Variants in DNAJC13 observed in about 807,000 individuals in gnomAD.
DNAJC13 encodes the protein DnaJ heat shock protein family (Hsp40) member C13.
A neutral mutation model predicts 290.5 loss-of-function variants in DNAJC13; 75 were observed. That is an observed-to-expected ratio of 0.26 (90% CI 0.21 to 0.31). DNAJC13 has a LOEUF of 0.31. Ranked by LOEUF, DNAJC13 falls within the 10% of genes least tolerant of loss-of-function variation. The probability of loss-of-function intolerance (pLI) is 1.00; values close to 1 mark genes in which losing one functional copy is unlikely to be tolerated. For missense variants in DNAJC13, 2,260 were observed against 2,674.5 expected, an observed-to-expected ratio of 0.85 and a Z score of 3.42; for synonymous variants, 862 against 892.0, an observed-to-expected ratio of 0.97 and a Z score of 0.60.
At position 132,494,272 on chromosome 3, in the gene DNAJC13, C is replaced by A; in HGVS notation, c.3941+13C>A. The A allele has an allele frequency of 6.4e-7, 1 of 1,572,356 alleles. No homozygotes were observed. Among genetic ancestry groups the A allele is most frequent in the Non-Finnish European group, 8.8e-7 (1 of 1,142,764 alleles). On this transcript the variant is annotated intron_variant, in intron 34 of 55. Coordinates refer to ENST00000260818, the MANE Select transcript of DNAJC13 (RefSeq NM_015268.4). ...AAGGACAGGGACCGTGAGTTGTTTT[C>A]AGTACAATAGCAAATGTCTGTCCCA... is the stretch of plus-strand genomic sequence containing the variant.
rs74876666 is a variant in DNAJC13, at chr3:132,498,411, T to A, written c.4157-715T>A. ...TATAAAGATGTGCATATAATTGATATTAATAGAATTTCTGGTGCATTTGCT... is the reference window on the plus strand; with the variant it reads ...TATAAAGATGTGCATATAATTGATAATAATAGAATTTCTGGTGCATTTGCT... On this transcript the variant is annotated intron_variant, in intron 36 of 55. Coordinates refer to ENST00000260818, the MANE Select transcript of DNAJC13 (RefSeq NM_015268.4). 1.6e-3 allele frequency among the ~76,000 whole-genome samples: 243 copies of A among 152,286 alleles called. 5 individuals are homozygous for A. In the East Asian group the frequency reaches 0.042, roughly 26 times the overall value.
Position 132,500,917 on chromosome 3 carries a change from G to A in DNAJC13, c.4536+4G>A. 1.9e-6 allele frequency: 3 copies of A among 1,613,502 alleles called. No individual in the cohort carries two copies. The highest frequency in any genetic ancestry group is 2.5e-6 in the Non-Finnish European group (3 of 1,179,684). On this transcript the variant is annotated splice_donor_region_variant and intron_variant, in intron 39 of 55. Transcript: ENST00000260818. ...TCGGGTACTATATTTTGGCAAGGTA[G>A]GGTTAATCTTTAATGCTTTCTAGAT...
At chr3:132,446,975 T>A (rs1178135518) in intron 3 of DNAJC13, among the ~76,000 whole-genome samples, 1 of 152,128 alleles carries the variant, frequency 6.6e-6, no homozygotes, top group Non-Finnish European at 1.5e-5. Flanking sequence ...TAAGTAAACA[T>A]ATTCAAAGAT....
chr3:132,440,423 A>G (rs1933024240), intron 2 of DNAJC13, among the ~76,000 whole-genome samples: 1 of 152,274 alleles, frequency 6.6e-6, no homozygotes, highest in African/African-American at 2.4e-5. Flanking sequence ...AGCCAGGCAC[A>G]TAAGTGCCAA....
rs544955543 is a variant in DNAJC13 at position 132,472,129 on chromosome 3, G to T, written c.2209-1016G>T. Among the ~76,000 whole-genome samples, 23 of 148,052 alleles carry T rather than the reference G, an allele frequency of 1.6e-4. No homozygotes were observed. In the East Asian group the frequency reaches 4.1e-3, roughly 27 times the overall value. ...CGCGTGCCTGCAATGGCAGGCACTCGGCAGGCTGAGGCAGGAGAATCAGGC... is the reference window on the plus strand; with the variant it reads ...CGCGTGCCTGCAATGGCAGGCACTCTGCAGGCTGAGGCAGGAGAATCAGGC... On this transcript the variant is annotated intron_variant, in intron 20 of 55. Transcript: ENST00000260818.
chr3:132,430,084 A>T (rs1576454977), intron 1 of DNAJC13, among the ~76,000 whole-genome samples: 2 of 152,152 alleles, frequency 1.3e-5, no homozygotes, highest in East Asian at 1.9e-4. Context: ...CTAATAGGCC[A>T]GGTCATTGGT....
chr3:132,491,173 T>C, intron 32 of DNAJC13, 122 bp downstream of exon 32: 1 of 835,822 alleles, frequency 1.2e-6, no homozygotes, highest in Non-Finnish European at 1.8e-6. Flanking sequence ...ATGACAGTAA[T>C]CATTGATGCC....
intron 1 of DNAJC13, among the ~76,000 whole-genome samples, chr3:132,430,612 T>A (rs577446052): frequency 1.3e-5 from 2 of 152,322 alleles, no homozygotes; most frequent in East Asian, 3.9e-4. Flanking sequence ...AGACTAGGAA[T>A]ACAAACCCCA....
At chr3:132,511,467 C>T (rs894628857) in intron 44 of DNAJC13, among the ~76,000 whole-genome samples, 1 of 152,058 alleles carries the variant, frequency 6.6e-6, no homozygotes, top group African/African-American at 2.4e-5. Flanking sequence ...TTTATGAGAA[C>T]ATGTGTCTAA....
chr3:132,499,168 G>A lies in DNAJC13; in HGVS notation c.4199G>A (p.Arg1400Gln), dbSNP rs147104839. 369 of 1,613,216 alleles carry A rather than the reference G, an allele frequency of 2.3e-4. No individual in the cohort carries two copies. The highest frequency in any genetic ancestry group is 3.0e-4 in the Admixed American group (18 of 59,940). The change falls in exon 37 of 56, where the codon CGG (arginine) becomes CAG (glutamine). Residue 1400 changes from arginine (R) to glutamine (Q), a missense_variant. Physicochemically the swap from Arg to Gln is conservative, Grantham distance 43. Around this residue, in one of 3 missense-constraint regions of DNAJC13, gnomAD observed 1,494 missense variants for 1,693.7 expected, o/e 0.88. Coordinates refer to ENST00000260818, the MANE Select transcript of DNAJC13 (RefSeq NM_015268.4). ...TATGCAGGATACCCCATGCTTATTCGGACTATAACAATGGAAACTTCAGAT... is the reference window on the plus strand; with the variant it reads ...TATGCAGGATACCCCATGCTTATTCAGACTATAACAATGGAAACTTCAGAT... Reference protein sequence around the residue: ...YKYAGYPMLIRTITMETSDDL... With the variant: ...YKYAGYPMLIQTITMETSDDL...
chr3:132,491,420 TC>T (rs1274619643), intron 32 of DNAJC13, among the ~76,000 whole-genome samples: 5 of 152,096 alleles, frequency 3.3e-5, no homozygotes, highest in Admixed American at 2.6e-4. Flanking sequence ...AGGACTATAC[TC>T]CCACTAATTA....
intron 32 of DNAJC13, among the ~76,000 whole-genome samples, chr3:132,491,810 T>G (rs1935065502): frequency 6.6e-6 from 1 of 152,190 alleles, no homozygotes; most frequent in Non-Finnish European, 1.5e-5. Context: ...ATCATTTGAC[T>G]TCTTGACCTA....
At chr3:132,485,129 C>T (rs550941180) in intron 29 of DNAJC13, among the ~76,000 whole-genome samples, 1 of 151,942 alleles carries the variant, frequency 6.6e-6, no homozygotes, top group African/African-American at 2.4e-5. Context: ...ATTCATTTCA[C>T]TTAATTTTTT....
At position 132,469,594 on chromosome 3, in the gene DNAJC13, G is replaced by A. The variant is rs140800470; in HGVS notation, c.2208+2281G>A. Among the ~76,000 whole-genome samples the A allele has an allele frequency of 2.2e-3, 331 of 152,234 alleles. 3 individuals are homozygous for A. Among genetic ancestry groups the A allele is most frequent in the African/African-American group, 6.6e-3 (275 of 41,542 alleles). On this transcript the variant is annotated intron_variant, in intron 20 of 55. Transcript: ENST00000260818. Reference sequence around the variant, plus strand: ...GCCTTTTGTCCTGGCGGGGAGGAGGGATTGAAGAAAGTACTTCTTAATTAG... The same window carrying A: ...GCCTTTTGTCCTGGCGGGGAGGAGGAATTGAAGAAAGTACTTCTTAATTAG...
chr3:132,446,626 C>T, intron 3 of DNAJC13, 76 bp downstream of exon 3: 1 of 936,310 alleles, frequency 1.1e-6, no homozygotes, highest in South Asian at 1.6e-5. Context: ...GACCATTACC[C>T]TCCCTTAAAT....
intron 47 of DNAJC13, 21 bp from the exon 48 acceptor site, chr3:132,516,683 A>G: frequency 6.3e-7 from 1 of 1,592,574 alleles, no homozygotes. Flanking sequence ...TATAAGCACT[A>G]ATTATCTTTT....
chr3:132,499,034 G>A, intron 36 of DNAJC13, 92 bp from the exon 37 acceptor site: 1 of 1,216,832 alleles, frequency 8.2e-7, no homozygotes. Flanking sequence ...ATTTTTTTAA[G>A]GCAACATATT....
intron 1 of DNAJC13, among the ~76,000 whole-genome samples, chr3:132,432,663 A>G (rs1286440383): frequency 6.6e-6 from 1 of 152,242 alleles, no homozygotes; most frequent in Non-Finnish European, 1.5e-5. Flanking sequence ...AGTTCCAACA[A>G]TTTATCCTGT....
In DNAJC13 at chr3:132,492,463, C is replaced by T. The variant is rs755706205; in HGVS notation, c.3673C>T (p.Arg1225Cys). 6.8e-6 allele frequency: 11 copies of T among 1,613,842 alleles called. No homozygotes were observed. The highest frequency in any genetic ancestry group is 2.2e-5 in the South Asian group (2 of 91,070). ...IAAHLADFTP[R>C]LQSNTRALYQ... is the part of the protein sequence containing the mutation. ...TGCCCATCTCGCGGATTTCACACCT[C>T]GTCTTCAGAGTAACACAAGAGCACT... Residue 1225 changes from arginine to cysteine, a missense_variant, in exon 33 of 56, where the codon CGT becomes TGT. By Grantham distance (180) the Arg-to-Cys change is radical. Around this residue, in one of 3 missense-constraint regions of DNAJC13, gnomAD observed 1,494 missense variants for 1,693.7 expected, o/e 0.88. Coordinates refer to ENST00000260818, the MANE Select transcript of DNAJC13 (RefSeq NM_015268.4).
Sources: allele counts gnomAD v4.1 joint callset (sites outside exome capture counted in the v4.1 genomes callset), GRCh38; gene constraint gnomAD v4.1.1; regional missense constraint gnomAD v4.1.1; transcripts MANE v1.5; gene names NCBI Gene and HGNC (gene_info 2026-07-23, HGNC 2026-07-21).